SHISA6: variants seen among roughly 807,000 people sequenced by gnomAD.
The protein encoded by SHISA6 is protein shisa-6.
SHISA6 carries 22 observed loss-of-function variants against 47.9 expected under a neutral mutation model. The ratio of observed to expected loss-of-function variants is 0.46; its 90% CI spans 0.33 to 0.66. The LOEUF is 0.66. Ranked by LOEUF, SHISA6 falls within the 30% of genes least tolerant of loss-of-function variation. The pLI, the probability that SHISA6 is intolerant of heterozygous loss-of-function variation, is 0.02. For synonymous variants in SHISA6, 388 were observed against 337.8 expected (o/e 1.15, Z -1.63); for missense variants, 680 against 764.6 (o/e 0.89, Z 1.30).
intron 5 of SHISA6, among the ~76,000 whole-genome samples, chr17:11,556,848 A>G (rs1254600087): frequency 2.0e-5 from 3 of 152,138 alleles, no homozygotes; most frequent in Non-Finnish European, 2.9e-5. Flanking sequence ...AGGAGGCCTC[A>G]TTTCTGAAAT....
intron 2 of SHISA6, among the ~76,000 whole-genome samples, chr17:11,352,945 C>T (rs547026386): frequency 2.3e-4 from 35 of 152,264 alleles, no homozygotes; most frequent in Middle Eastern, 3.4e-3. Flanking sequence ...TCACTTGATC[C>T]GCACTGCTCA....
chr17:11,346,014 T>C (rs938913468), intron 2 of SHISA6, among the ~76,000 whole-genome samples: 44 of 152,270 alleles, frequency 2.9e-4, no homozygotes, highest in African/African-American at 1.0e-3. Flanking sequence ...TGAGCGAACA[T>C]AGTTGTCTTG....
intron 2 of SHISA6, among the ~76,000 whole-genome samples, chr17:11,358,209 C>T (rs1912136016): frequency 6.6e-6 from 1 of 152,126 alleles, no homozygotes; most frequent in African/African-American, 2.4e-5. Flanking sequence ...CCCCACAGCT[C>T]CTGGTAACCA....
rs1344278782 is a variant in SHISA6, at chr17:11,559,888, G to C, written c.*1584G>C. ...AGACCAGAGAGCCTGGTGGGGGAAA[G>C]AAGGGGTTCCCTCATTCTCAGGGCC... On this transcript the variant is annotated 3_prime_UTR_variant, in exon 6 of 6. Coordinates refer to ENST00000441885, the MANE Select transcript of SHISA6 (RefSeq NM_207386.4). The surrounding 1 kb of genome is among the most constrained non-coding windows in gnomAD (Gnocchi z 4.4). 1 of 152,294 alleles carries C rather than the reference G, an allele frequency of 6.6e-6. No homozygotes were observed. The allele number at this position is 152,294 out of a possible 1,614,324, so 9.4% of individuals were successfully genotyped here.
rs1555528809 is a variant in SHISA6, at chr17:11,330,950, A to G, written c.800-48464A>G. On this transcript the variant is annotated intron_variant, in intron 2 of 5. Coordinates refer to ENST00000441885, the MANE Select transcript of SHISA6 (RefSeq NM_207386.4). Reference sequence around the variant, plus strand: ...ACAACATGAAGTCATTCTTGGATATATACAGTCTTGGAAACTAGCAGATTT... The same window carrying G: ...ACAACATGAAGTCATTCTTGGATATGTACAGTCTTGGAAACTAGCAGATTT... Among the ~76,000 whole-genome samples the G allele has an allele frequency of 2.3e-4, 35 of 152,232 alleles. 1 individual carries two copies. Among genetic ancestry groups the G allele is most frequent in the Non-Finnish European group, 8.8e-5 (6 of 68,048 alleles).
intron 2 of SHISA6, among the ~76,000 whole-genome samples, chr17:11,263,773 G>T (rs1908330338): frequency 6.6e-6 from 1 of 152,168 alleles, no homozygotes; most frequent in African/African-American, 2.4e-5. Flanking sequence ...CTAGTGAGTG[G>T]TTGGTATAAT....
At chr17:11,450,876 C>G (rs540082107) in intron 3 of SHISA6, among the ~76,000 whole-genome samples, 1 of 152,096 alleles carries the variant, frequency 6.6e-6, no homozygotes, top group Admixed American at 6.5e-5. Flanking sequence ...ATGAACCTTG[C>G]CCCTCAAGCG....
intron 4 of SHISA6, among the ~76,000 whole-genome samples, chr17:11,554,358 C>T (rs2071956843): frequency 6.6e-6 from 1 of 152,136 alleles, no homozygotes; most frequent in Non-Finnish European, 1.5e-5. Context: ...ACTGGCTGAG[C>T]TTCCCTGGCT....
chr17:11,292,855 GC>G (rs1909601662), intron 2 of SHISA6, among the ~76,000 whole-genome samples: 2 of 130,024 alleles, frequency 1.5e-5, no homozygotes, highest in African/African-American at 5.8e-5. Flanking sequence ...ATGGAGTTTT[GC>G]GCTTATTGCC....
At chr17:11,473,912 A>C (rs2321890) in intron 3 of SHISA6, among the ~76,000 whole-genome samples, 113,232 of 151,648 alleles carry the variant, frequency 0.75, 42,949 homozygotes, top group African/African-American at 0.89. Context: ...TCCCCTTGCC[A>C]GTCATCCCCC....
chr17:11,545,980 C>G (rs901178095), intron 3 of SHISA6, among the ~76,000 whole-genome samples: 1 of 152,218 alleles, frequency 6.6e-6, no homozygotes, highest in Non-Finnish European at 1.5e-5. Context: ...TTCATTGAGA[C>G]AGTCACACAG....
intron 3 of SHISA6, among the ~76,000 whole-genome samples, chr17:11,451,475 A>G (rs942385678): frequency 1.3e-5 from 2 of 152,198 alleles, no homozygotes; most frequent in Non-Finnish European, 2.9e-5. Flanking sequence ...GACAGAAAAT[A>G]GTCAAGTAAT....
chr17:11,349,428 A>T (rs1242569838), intron 2 of SHISA6, among the ~76,000 whole-genome samples: 3 of 152,222 alleles, frequency 2.0e-5, no homozygotes, highest in Admixed American at 6.5e-5. Flanking sequence ...ATTATTTGAC[A>T]TCGTTTTCTG....
At chr17:11,455,743 C>T (rs73977317) in intron 3 of SHISA6, among the ~76,000 whole-genome samples, 4,348 of 152,164 alleles carry the variant, frequency 0.029, 188 homozygotes, top group African/African-American at 0.089. Context: ...TTTTAGAAGG[C>T]GACATCCTCA....
At chr17:11,287,226 A>G (rs1909335142) in intron 2 of SHISA6, among the ~76,000 whole-genome samples, 1 of 151,146 alleles carries the variant, frequency 6.6e-6, no homozygotes, top group African/African-American at 2.4e-5. Flanking sequence ...GAAAGAAAGA[A>G]AGAAAGAAGG....
At chr17:11,536,033 G>T (rs907951792) in intron 3 of SHISA6, among the ~76,000 whole-genome samples, 6 of 151,332 alleles carry the variant, frequency 4.0e-5, no homozygotes, top group African/African-American at 9.7e-5. Flanking sequence ...GAGAGAGAAA[G>T]TGAGACAGAG....
rs184205092 is a variant in SHISA6 at position 11,480,470 on chromosome 17, G to A, written c.896-71426G>A. 1.7e-3 allele frequency among the ~76,000 whole-genome samples: 261 copies of A among 152,214 alleles called. 1 individual carries two copies. Among genetic ancestry groups the A allele is most frequent in the African/African-American group, 5.9e-3 (246 of 41,548 alleles). On this transcript the variant is annotated intron_variant, in intron 3 of 5. Coordinates refer to ENST00000441885, the MANE Select transcript of SHISA6 (RefSeq NM_207386.4). ...TATCCAGTTAATATGCCACCACACC[G>A]GACAGCTGCCAGGAGAAGGAAGGTA...
intron 2 of SHISA6, among the ~76,000 whole-genome samples, chr17:11,350,243 G>A (rs1159872570): frequency 3.2e-5 from 3 of 92,898 alleles, no homozygotes; most frequent in Non-Finnish European, 6.3e-5. Flanking sequence ...GCAGTGGCGC[G>A]ATCTCGGCTC....
intron 1 of SHISA6, among the ~76,000 whole-genome samples, chr17:11,261,894 C>G (rs571443805): frequency 6.6e-6 from 1 of 152,318 alleles, no homozygotes; most frequent in African/African-American, 2.4e-5. Context: ...AGCTGCTAAA[C>G]TGTTTACCAA....
Sources: allele counts gnomAD v4.1 joint callset (sites outside exome capture counted in the v4.1 genomes callset), GRCh38; gene constraint gnomAD v4.1.1; non-coding constraint Gnocchi (gnomAD v3.1); transcripts MANE v1.5; gene names NCBI Gene and HGNC (gene_info 2026-07-23, HGNC 2026-07-21).